The following TLK2 variants were observed in gnomAD, a reference collection of about 807,000 sequenced individuals.
TLK2 encodes serine/threonine-protein kinase tousled-like 2.
TLK2 carries 6 observed loss-of-function variants against 117.3 expected under a neutral mutation model. The observed-to-expected ratio is 0.05, with a 90% CI of 0.03 to 0.10. TLK2 has a LOEUF of 0.10. Among genes scored for constraint, TLK2 ranks in the 10% least tolerant of loss-of-function variants. The pLI is 1.00. For synonymous variants in TLK2, 257 were observed against 316.7 expected, an observed-to-expected ratio of 0.81 and a Z score of 2.00; for missense variants, 299 against 901.2, an observed-to-expected ratio of 0.33 and a Z score of 8.56.
chr17:62,563,606 C>A (rs2079478760), intron 10 of TLK2, among the ~76,000 whole-genome samples: 1 of 152,132 alleles, frequency 6.6e-6, no homozygotes, highest in Non-Finnish European at 1.5e-5. Context: ...GGACTTTTAT[C>A]CCATGGTATC....
intron 7 of TLK2, among the ~76,000 whole-genome samples, chr17:62,542,156 A>C (rs1180392434): frequency 6.6e-6 from 1 of 152,254 alleles, no homozygotes; most frequent in East Asian, 1.9e-4. Context: ...ACCCGCAAGA[A>C]ATTGAGGAGA....
At chr17:62,507,552 A>C (rs933469063) in intron 2 of TLK2, 3 of 152,172 alleles carry the variant, frequency 2.0e-5, no homozygotes, top group African/African-American at 7.2e-5. Context: ...CTTTGTTGGC[A>C]GCTATGCTTC....
intron 2 of TLK2, among the ~76,000 whole-genome samples, chr17:62,508,883 G>T (rs1051019235): frequency 3.9e-5 from 6 of 152,074 alleles, no homozygotes; most frequent in African/African-American, 1.4e-4. Context: ...CACAAGAATC[G>T]CTTGAACCCG....
intron 16 of TLK2, among the ~76,000 whole-genome samples, chr17:62,593,684 C>A (rs2082245488): frequency 1.3e-5 from 2 of 152,054 alleles, no homozygotes; most frequent in African/African-American, 4.8e-5. Context: ...GAAGCTTTCA[C>A]CCCCATGATA....
At chr17:62,504,107 A>G (rs190328956) in intron 2 of TLK2, among the ~76,000 whole-genome samples, 363 of 152,316 alleles carry the variant, frequency 2.4e-3, no homozygotes, top group African/African-American at 7.8e-3. Flanking sequence ...GTTGTAATAC[A>G]TGCTTGGTAG....
Position 62,601,329 on chromosome 17 carries a change from T to A in TLK2, c.1720+509T>A, listed in dbSNP as rs2082859542. On this transcript the variant is annotated intron_variant, in intron 18 of 21. Coordinates refer to ENST00000346027, the MANE Select transcript of TLK2 (RefSeq NM_006852.6). Reference sequence around the variant, plus strand: ...TCCTTACCTCTATTTTTTATTGTTATCTTCAGCTGTGTTTTAGAAATCTGC... The same window carrying A: ...TCCTTACCTCTATTTTTTATTGTTAACTTCAGCTGTGTTTTAGAAATCTGC... Among the ~76,000 whole-genome samples the A allele has an allele frequency of 2.0e-5, 3 of 152,364 alleles. No individual in the cohort carries two copies. The South Asian group carries it at 6.2e-4, about 32-fold the overall frequency.
intron 7 of TLK2, among the ~76,000 whole-genome samples, chr17:62,543,755 G>A (rs191787963): frequency 1.3e-5 from 2 of 152,156 alleles, no homozygotes; most frequent in East Asian, 3.9e-4. Context: ...TATATGATTG[G>A]CAAAGGTTTT....
At chr17:62,507,870 G>T (rs1211430711) in intron 2 of TLK2, among the ~76,000 whole-genome samples, 1 of 150,764 alleles carries the variant, frequency 6.6e-6, no homozygotes, top group African/African-American at 2.4e-5. Flanking sequence ...GATCCCCCTA[G>T]AAAAAAAAGT....
At chr17:62,589,288 A>G (rs2081896524) in intron 16 of TLK2, among the ~76,000 whole-genome samples, 1 of 152,226 alleles carries the variant, frequency 6.6e-6, no homozygotes, top group Non-Finnish European at 1.5e-5. Context: ...AATTATTTGC[A>G]GAAGTAATTT....
intron 2 of TLK2, among the ~76,000 whole-genome samples, chr17:62,509,846 C>G (rs995154953): frequency 1.3e-5 from 2 of 152,214 alleles, no homozygotes; most frequent in African/African-American, 4.8e-5. Flanking sequence ...AGGATTCCTT[C>G]CCTCTGGAGG....
intron 6 of TLK2, among the ~76,000 whole-genome samples, chr17:62,527,806 G>A (rs1361694019): frequency 2.0e-5 from 3 of 151,358 alleles, no homozygotes; most frequent in South Asian, 4.2e-4. Context: ...GCAGTGGTGC[G>A]ATCTTGGTTC....
chr17:62,500,424 A>AT (rs1567799652), intron 2 of TLK2, among the ~76,000 whole-genome samples: 1 of 152,228 alleles, frequency 6.6e-6, no homozygotes, highest in Admixed American at 6.5e-5. Flanking sequence ...AGAAGGATCA[A>AT]TTTTTTGAGA....
At position 62,522,220 on chromosome 17, in the gene TLK2, A is replaced by C; in HGVS notation, c.170A>C (p.Gln57Pro). Residue 57 changes from glutamine (Q) to proline (P), a missense_variant, in exon 4 of 22, where the codon CAG becomes CCG. By Grantham distance (76) the Gln-to-Pro change is moderately conservative. Transcript: ENST00000346027. ...ATTTGACAGACTCCCGAGAAAAAGC[A>C]GAATGACCAGCGAAATCGGAAAAGA... is the stretch of plus-strand genomic sequence containing the variant. ...DKEVETPEKK[Q>P]NDQRNRKRKA... 1 of 1,613,664 alleles carries C rather than the reference A, an allele frequency of 6.2e-7. No homozygotes were observed. Among genetic ancestry groups the C allele is most frequent in the Non-Finnish European group, 8.5e-7 (1 of 1,179,834 alleles).
chr17:62,497,422 G>T (rs556498112), intron 2 of TLK2, among the ~76,000 whole-genome samples: 3 of 152,316 alleles, frequency 2.0e-5, no homozygotes, highest in African/African-American at 7.2e-5. Flanking sequence ...ATAATTATTA[G>T]AGATGTTGTG....
At chr17:62,583,794 G>C (rs886250054) in intron 15 of TLK2, among the ~76,000 whole-genome samples, 1 of 151,518 alleles carries the variant, frequency 6.6e-6, no homozygotes, top group East Asian at 2.0e-4. Context: ...GGCTAGGCTG[G>C]TTTCAAATTC....
Position 62,590,226 on chromosome 17 carries a change from G to A in TLK2, c.1460+4000G>A, listed in dbSNP as rs550567826. On this transcript the variant is annotated intron_variant, in intron 16 of 21. Coordinates refer to ENST00000346027, the MANE Select transcript of TLK2 (RefSeq NM_006852.6). ...GTGGGTGGATTGCCTGAGGTCAGGA[G>A]TTCAAGACCAGCCTGACCAACATGG... is the stretch of plus-strand genomic sequence containing the variant. Among the ~76,000 whole-genome samples, 256 of 151,036 alleles carry A rather than the reference G, an allele frequency of 1.7e-3. 1 individual carries two copies. Among genetic ancestry groups the A allele is most frequent in the Non-Finnish European group, 3.7e-4 (25 of 67,746 alleles).
rs187901357 is a variant in TLK2 at position 62,532,941 on chromosome 17, C to T, written c.364-3229C>T. 2.0e-4 allele frequency among the ~76,000 whole-genome samples: 30 copies of T among 152,186 alleles called. 1 individual carries two copies. Among genetic ancestry groups the T allele is most frequent in the Admixed American group, 4.6e-4 (7 of 15,290 alleles). ...TTGAGAGTACCAATTTTTTCACACC[C>T]TGCTAATAATACTGAATTTTATCAT... is the stretch of plus-strand genomic sequence containing the variant. On this transcript the variant is annotated intron_variant, in intron 6 of 21. Transcript: ENST00000346027.
intron 8 of TLK2, 71 bp downstream of exon 8, chr17:62,552,468 C>T (rs1404409242): frequency 6.2e-7 from 1 of 1,604,342 alleles, no homozygotes. Flanking sequence ...CCTGTGTAGT[C>T]TGTCATTCTT....
chr17:62,566,176 G>T (rs2079775361), intron 11 of TLK2, among the ~76,000 whole-genome samples: 1 of 151,872 alleles, frequency 6.6e-6, no homozygotes, highest in Non-Finnish European at 1.5e-5. Flanking sequence ...GTACCTTTTG[G>T]TGAATCTTCT....
Sources: allele counts gnomAD v4.1 joint callset (sites outside exome capture counted in the v4.1 genomes callset), GRCh38; gene constraint gnomAD v4.1.1; transcripts MANE v1.5; gene names NCBI Gene and HGNC (gene_info 2026-07-23, HGNC 2026-07-21).